The following CASC3 variants were observed in gnomAD, a reference collection of about 807,000 sequenced individuals.
CASC3 encodes the protein CASC3 exon junction complex subunit, also known as protein CASC3.
In CASC3, 30 loss-of-function variants were observed where a neutral mutation model predicts 80.5. The ratio of observed to expected loss-of-function variants is 0.37; its 90% CI spans 0.28 to 0.51. CASC3 has a LOEUF of 0.51. CASC3 is among the 20% of genes least tolerant of loss of function. The pLI, the probability that CASC3 is intolerant of heterozygous loss-of-function variation, is 0.94. For synonymous variants in CASC3, 312 were observed against 333.6 expected (o/e 0.94, Z 0.70); for missense variants, 824 against 922.2 (o/e 0.89, Z 1.38).
rs1439203548 is a variant in CASC3, at chr17:40,169,646, C to G, written c.*25C>G. 1.3e-6 allele frequency: 2 copies of G among 1,495,412 alleles called. No individual in the cohort carries two copies. The allele number at this position is 1,495,412 out of a possible 1,614,324, so 92.6% of individuals were successfully genotyped here. A position where few individuals can be genotyped will look rare whatever the true frequency, so the allele number is the denominator to read the frequency against. On this transcript the variant is annotated 3_prime_UTR_variant, in exon 13 of 14. Transcript: ENST00000264645. ...ATACAAGTTTCTGAATATTTTAAAT[C>G]TTAACATCATATAAAAGTAAGTGCA...
At chr17:40,161,706 C>A in intron 3 of CASC3, 47 bp from the exon 4 acceptor site, 1 of 1,559,360 alleles carries the variant, frequency 6.4e-7, no homozygotes, top group Non-Finnish European at 8.8e-7. Context: ...AATTAAAATG[C>A]ACCGTTCAGA....
intron 6 of CASC3, 81 bp from the exon 7 acceptor site, chr17:40,163,400 G>T: frequency 8.4e-7 from 1 of 1,188,232 alleles, no homozygotes; most frequent in Non-Finnish European, 1.2e-6. Context: ...CTCCCAAAGT[G>T]CTGGGATTAC....
intron 3 of CASC3, 151 bp from the exon 4 acceptor site, chr17:40,161,602 C>T (rs1989300836): frequency 3.0e-6 from 2 of 677,552 alleles, no homozygotes; most frequent in Admixed American, 2.6e-5. Flanking sequence ...TTGCTTGACC[C>T]CTGGAGGCAG....
rs188154013 is a variant in CASC3 at position 40,165,165 on chromosome 17, C to T, written c.1471+999C>T. 1.5e-3 allele frequency among the ~76,000 whole-genome samples: 227 copies of T among 151,986 alleles called. 2 individuals are homozygous for T. The highest frequency in any genetic ancestry group is 2.3e-3 in the Non-Finnish European group (156 of 67,952). On this transcript the variant is annotated intron_variant, in intron 7 of 13. Coordinates refer to ENST00000264645, the MANE Select transcript of CASC3 (RefSeq NM_007359.5). ...GTCTCGATCTCCTGACCTCGTGATC[C>T]GCCCACCTTGGCCTCCCAGAGTGCT...
intron 3 of CASC3, among the ~76,000 whole-genome samples, chr17:40,150,760 C>T (rs1430197013): frequency 6.6e-6 from 1 of 151,738 alleles, no homozygotes; most frequent in East Asian, 1.9e-4. Flanking sequence ...ATGCCTTTAT[C>T]CCAGCACTTT....
At chr17:40,157,752 C>G (rs1567680719) in intron 3 of CASC3, among the ~76,000 whole-genome samples, 1 of 152,130 alleles carries the variant, frequency 6.6e-6, no homozygotes, top group Non-Finnish European at 1.5e-5. Flanking sequence ...TAACTTTTGA[C>G]TCACCCAAAA....
chr17:40,165,688 A>G (rs996021362), intron 7 of CASC3, among the ~76,000 whole-genome samples: 45 of 151,976 alleles, frequency 3.0e-4, no homozygotes, highest in African/African-American at 9.2e-4. Flanking sequence ...AGATTGCCCA[A>G]TAGAACTTTG....
chr17:40,172,040 T>C lies in CASC3; in HGVS notation c.*1635T>C. The C allele has an allele frequency of 7.8e-7, 1 of 1,290,000 alleles. No individual in the cohort carries two copies. The highest frequency in any genetic ancestry group is 1.0e-6 in the Non-Finnish European group (1 of 988,888). 79.9% of individuals were successfully genotyped at this position (1,290,000 alleles called of 1,614,324 possible). On this transcript the variant is annotated 3_prime_UTR_variant, in exon 14 of 14. Transcript: ENST00000264645. ...ACCTTAAGACACTGTGAGAGTTGTC[T>C]CTGTTGGTCCACTGTGTTTAGTTGC... is the stretch of plus-strand genomic sequence containing the variant.
chr17:40,167,256 G>C (rs1989474591), intron 8 of CASC3: 2 of 557,172 alleles, frequency 3.6e-6, no homozygotes, highest in East Asian at 6.1e-5. Flanking sequence ...ACCACGCCCG[G>C]CCAAGATAAA....
chr17:40,141,517 C>A, intron 2 of CASC3, 53 bp from the exon 3 acceptor site: 1 of 1,517,464 alleles, frequency 6.6e-7, no homozygotes, highest in Non-Finnish European at 9.1e-7. Context: ...TAATAAGCAG[C>A]CAAAAAATGT....
At chr17:40,161,620 A>G (rs1989302021) in intron 3 of CASC3, 133 bp from the exon 4 acceptor site, 2 of 746,938 alleles carry the variant, frequency 2.7e-6, no homozygotes, top group Non-Finnish European at 4.6e-6. Context: ...CAGAGGTTAC[A>G]GTGAGCTGAG....
intron 2 of CASC3, 34 bp downstream of exon 2, chr17:40,141,268 GT>G (rs200003297): frequency 6.4e-5 from 102 of 1,594,678 alleles, no homozygotes; most frequent in African/African-American, 3.8e-4. Flanking sequence ...TAGGACAAGA[GT>G]TTTTTTTAAC....
chr17:40,163,701 G>C lies in CASC3; in HGVS notation c.1006G>C (p.Gly336Arg), dbSNP rs768958625. The change falls in exon 7 of 14, where the codon GGT becomes CGT. Residue 336 changes from glycine to arginine, a missense_variant. Transcript: ENST00000264645. ...FRPVEAGGQHGGRSGETVKHE... is the reference protein window; with the variant it reads ...FRPVEAGGQHRGRSGETVKHE... The stretch of plus-strand genomic sequence containing the variant: ...GCCTGTGGAAGCTGGTGGGCAGCAT[G>C]GTGGCCGGTCTGGTGAGACTGTTAA... 1 of 1,614,166 alleles carries C rather than the reference G, an allele frequency of 6.2e-7. No homozygotes were observed. Among genetic ancestry groups the C allele is most frequent in the Non-Finnish European group, 8.5e-7 (1 of 1,180,036 alleles).
chr17:40,158,172 CTG>C (rs2145170253), intron 3 of CASC3, among the ~76,000 whole-genome samples: 1 of 152,310 alleles, frequency 6.6e-6, no homozygotes, highest in East Asian at 1.9e-4. Context: ...ATTGGCTTGT[CTG>C]GGCCAATCAG....
Position 40,171,953 on chromosome 17 carries a change from C to G in CASC3, c.*1548C>G, listed in dbSNP as rs2145187892. On this transcript the variant is annotated 3_prime_UTR_variant, in exon 14 of 14. Transcript: ENST00000264645. ...GTGGTTGTGCCTTTTGTAGGCTGTTCCCTTTGCCTTAAACCTGAAGATGTC... is the reference window on the plus strand; with the variant it reads ...GTGGTTGTGCCTTTTGTAGGCTGTTGCCTTTGCCTTAAACCTGAAGATGTC... 7.8e-7 allele frequency: 1 copy of G among 1,284,706 alleles called. No individual in the cohort carries two copies. The highest frequency in any genetic ancestry group is 1.0e-6 in the Non-Finnish European group (1 of 985,472). The allele number at this position is 1,284,706 out of a possible 1,614,324, so 79.6% of individuals were successfully genotyped here. A position where few individuals can be genotyped will look rare whatever the true frequency, so the allele number is the denominator to read the frequency against.
chr17:40,161,079 A>C (rs1394063541), intron 3 of CASC3, among the ~76,000 whole-genome samples: 2 of 151,892 alleles, frequency 1.3e-5, no homozygotes, highest in South Asian at 2.1e-4. Flanking sequence ...TCCCTGGTTC[A>C]AACGATTTTC....
chr17:40,161,010 T>G (rs1449086413), intron 3 of CASC3, among the ~76,000 whole-genome samples: 4 of 151,616 alleles, frequency 2.6e-5, no homozygotes, highest in South Asian at 2.1e-4. Flanking sequence ...GACAGAGCCT[T>G]GCTCTGTCGC....
rs537934417 is a variant in CASC3, at chr17:40,159,444, C to T, written c.298-2309C>T. Among the ~76,000 whole-genome samples the T allele has an allele frequency of 3.2e-4, 48 of 151,824 alleles. 1 individual carries two copies. Among genetic ancestry groups the T allele is most frequent in the African/African-American group, 8.9e-4 (37 of 41,398 alleles). Reference sequence around the variant, plus strand: ...AGGTTGGAGTGCAGTGGTGCGATCTCGGTTCACTGCAACCTCTGCCTCCCA... The same window carrying T: ...AGGTTGGAGTGCAGTGGTGCGATCTTGGTTCACTGCAACCTCTGCCTCCCA... On this transcript the variant is annotated intron_variant, in intron 3 of 13. Transcript: ENST00000264645.
intron 3 of CASC3, among the ~76,000 whole-genome samples, chr17:40,147,000 T>C (rs752201808): frequency 5.3e-5 from 8 of 152,150 alleles, no homozygotes; most frequent in Non-Finnish European, 1.2e-4. Context: ...AATGGAAACG[T>C]TGGAGAAACT....
Sources: allele counts gnomAD v4.1 joint callset (sites outside exome capture counted in the v4.1 genomes callset), GRCh38; gene constraint gnomAD v4.1.1; transcripts MANE v1.5; gene names NCBI Gene and HGNC (gene_info 2026-07-23, HGNC 2026-07-21).